The following TENM1 variants were observed in gnomAD, a reference collection of about 807,000 sequenced individuals.
The protein encoded by TENM1 is teneurin transmembrane protein 1, also known as teneurin-1.
TENM1 carries 35 observed loss-of-function variants against 174.8 expected under a neutral mutation model. That is an observed-to-expected ratio of 0.20 (90% CI 0.15 to 0.27). TENM1 has a LOEUF of 0.27. Ranked by LOEUF, TENM1 falls within the 10% of genes least tolerant of loss-of-function variation. The probability of loss-of-function intolerance (pLI) is 1.00; values close to 1 mark genes in which losing one functional copy is unlikely to be tolerated. For synonymous variants in TENM1, 781 were observed against 798.7 expected, an observed-to-expected ratio of 0.98 and a Z score of 0.37; for missense variants, 1,633 against 2,130.1, an observed-to-expected ratio of 0.77 and a Z score of 4.59.
the TENM1 span, among the ~76,000 whole-genome samples, chrX:125,106,400 AT>A: frequency 9.5e-6 from 1 of 104,829 alleles, no homozygotes; most frequent in Non-Finnish European, 1.9e-5. Context: ...TAAGTTTTAA[AT>A]TTTGAATAAC....
chrX:124,987,698 A>ATT, the TENM1 span, among the ~76,000 whole-genome samples: 1 of 72,450 alleles, frequency 1.4e-5, no homozygotes, highest in Non-Finnish European at 2.7e-5. Flanking sequence ...CATGTTCTGC[A>ATT]TTTTGTGTGT....
At chrX:124,421,381 G>T (rs1053435854) in intron 24 of TENM1, among the ~76,000 whole-genome samples, 2 of 112,168 alleles carry the variant, frequency 1.8e-5, no homozygotes, top group East Asian at 5.6e-4. Context: ...AATTGTCGAA[G>T]AAAACATTGG....
chrX:124,588,396 G>A (rs1277541151), intron 11 of TENM1, among the ~76,000 whole-genome samples: 13 of 111,413 alleles, frequency 1.2e-4, no homozygotes, highest in Non-Finnish European at 1.7e-4. Context: ...TTGTAGGGAC[G>A]TGGATGAAAT....
chrX:125,026,365 T>A, the TENM1 span, among the ~76,000 whole-genome samples: 18 of 111,345 alleles, frequency 1.6e-4, no homozygotes, highest in Non-Finnish European at 3.2e-4. Flanking sequence ...AGGAAAAAAT[T>A]AAAGAATGAA....
the TENM1 span, among the ~76,000 whole-genome samples, chrX:125,045,719 T>C: frequency 9.0e-6 from 1 of 111,660 alleles, no homozygotes; most frequent in Non-Finnish European, 1.9e-5. Context: ...AGGTAGAAAA[T>C]AATCTATTTC....
chrX:124,420,840 A>T lies in TENM1; in HGVS notation c.4472-19T>A. On this transcript the variant is annotated intron_variant, in intron 24 of 31. Transcript: ENST00000422452. ...CCATCACCTGTGGGAGAAAGACTTGATTTTAACAATTGGCATCATAAGCAT... is the reference window on the plus strand; with the variant it reads ...CCATCACCTGTGGGAGAAAGACTTGTTTTTAACAATTGGCATCATAAGCAT... 1 of 1,191,361 alleles carries T rather than the reference A, an allele frequency of 8.4e-7. No homozygotes were observed. The highest frequency in any genetic ancestry group is 1.1e-6 in the Non-Finnish European group (1 of 879,669).
At chrX:124,849,722 T>A (rs2056682494) in intron 3 of TENM1, among the ~76,000 whole-genome samples, 1 of 111,583 alleles carries the variant, frequency 9.0e-6, no homozygotes, top group African/African-American at 3.3e-5. Context: ...ATAGCAACTG[T>A]GAGATAATAA....
At chrX:125,169,111 T>C in the TENM1 span, among the ~76,000 whole-genome samples, 2 of 110,937 alleles carry the variant, frequency 1.8e-5, no homozygotes, top group Non-Finnish European at 3.8e-5. Context: ...CAGCCATGTA[T>C]ACCCCAGGAA....
chrX:124,819,344 C>T (rs1387439115), intron 3 of TENM1, among the ~76,000 whole-genome samples: 1 of 111,040 alleles, frequency 9.0e-6, no homozygotes. Flanking sequence ...TTCTATTGCA[C>T]CTTAAAAATT....
chrX:124,937,114 T>C (rs1027619003), intron 1 of TENM1, among the ~76,000 whole-genome samples: 2 of 109,052 alleles, frequency 1.8e-5, no homozygotes, highest in African/African-American at 3.4e-5. Flanking sequence ...CAGCCGTAAA[T>C]AAATACTGGC....
At chrX:124,578,903 C>T (rs1024115600) in intron 11 of TENM1, among the ~76,000 whole-genome samples, 7 of 112,016 alleles carry the variant, frequency 6.2e-5, no homozygotes, top group Admixed American at 1.9e-4. Flanking sequence ...TCTATATTTA[C>T]GCAGCCATAT....
At chrX:125,053,172 T>C in the TENM1 span, among the ~76,000 whole-genome samples, 1 of 112,095 alleles carries the variant, frequency 8.9e-6, no homozygotes, top group Non-Finnish European at 1.9e-5. Context: ...TCCAATTTAA[T>C]TGTAGTTAAA....
the TENM1 span, among the ~76,000 whole-genome samples, chrX:125,122,490 AT>A: frequency 1.8e-5 from 2 of 111,958 alleles, no homozygotes; most frequent in African/African-American, 3.2e-5. Flanking sequence ...AATTTCATTC[AT>A]TTTTAAAATC....
In TENM1 at chrX:124,811,891, T is replaced by C. The variant is rs769278479; in HGVS notation, c.536-74694A>G. Among the ~76,000 whole-genome samples, 3 of 111,345 alleles carry C rather than the reference T, an allele frequency of 2.7e-5. No individual in the cohort carries two copies. The Admixed American group carries it at 2.9e-4, about 11-fold the overall frequency. ...ATGGATGAGCCTGCAGGACATTATG[T>C]TAAACGAAATGTGTGGAATCTAAAA... is the stretch of plus-strand genomic sequence containing the variant. On this transcript the variant is annotated intron_variant, in intron 3 of 31. Transcript: ENST00000422452.
chrX:124,881,715 TG>T (rs1339068913), intron 3 of TENM1, among the ~76,000 whole-genome samples: 5 of 109,436 alleles, frequency 4.6e-5, no homozygotes, highest in African/African-American at 1.7e-4. Context: ...TTGTTGTTGT[TG>T]TTGTTGTTGT....
At chrX:124,680,210 T>C (rs187332537) in intron 5 of TENM1, among the ~76,000 whole-genome samples, 200 of 111,436 alleles carry the variant, frequency 1.8e-3, no homozygotes, top group African/African-American at 6.2e-3. Flanking sequence ...TCCACGTGTT[T>C]GAATCCCTAC....
At chrX:125,043,170 T>C in the TENM1 span, among the ~76,000 whole-genome samples, 3 of 95,606 alleles carry the variant, frequency 3.1e-5, no homozygotes, top group Non-Finnish European at 6.3e-5. Context: ...AAATGGGATC[T>C]AATTAAACTA....
chrX:125,071,660 C>T, the TENM1 span, among the ~76,000 whole-genome samples: 4 of 111,234 alleles, frequency 3.6e-5, no homozygotes, highest in Non-Finnish European at 7.6e-5. Context: ...TTAAGATCCA[C>T]GTCCTTCACT....
chrX:125,047,955 G>A, the TENM1 span, among the ~76,000 whole-genome samples: 1 of 111,341 alleles, frequency 9.0e-6, no homozygotes, highest in Non-Finnish European at 1.9e-5. Flanking sequence ...AGGAAAAGTA[G>A]TAGCTTCAGG....
Sources: allele counts gnomAD v4.1 joint callset (sites outside exome capture counted in the v4.1 genomes callset), GRCh38; gene constraint gnomAD v4.1.1; transcripts MANE v1.5; gene names NCBI Gene and HGNC (gene_info 2026-07-23, HGNC 2026-07-21).